PPP2R3A: variants seen among roughly 807,000 people sequenced by gnomAD.
The protein encoded by PPP2R3A is serine/threonine-protein phosphatase 2A regulatory subunit B'' subunit alpha.
A neutral mutation model predicts 106.9 loss-of-function variants in PPP2R3A; 80 were observed. The ratio of observed to expected loss-of-function variants is 0.75; its 90% CI spans 0.62 to 0.90. The LOEUF is 0.90. PPP2R3A is among the 40% of genes least tolerant of loss of function. PPP2R3A has a pLI of 0.00. For missense variants in PPP2R3A, 1,386 were observed against 1,350.4 expected (o/e 1.03, Z -0.41); for synonymous variants, 483 against 468.3 (o/e 1.03, Z -0.41).
intron 1 of PPP2R3A, among the ~76,000 whole-genome samples, chr3:136,000,309 G>A (rs1559860174): frequency 6.6e-6 from 1 of 152,182 alleles, no homozygotes; most frequent in Non-Finnish European, 1.5e-5. Flanking sequence ...GGTACACACA[G>A]TAGGTAGTCA....
chr3:135,999,705 A>G (rs1313543774), intron 1 of PPP2R3A, among the ~76,000 whole-genome samples: 1 of 152,052 alleles, frequency 6.6e-6, no homozygotes, highest in Non-Finnish European at 1.5e-5. Flanking sequence ...GTCTTGCCCC[A>G]TCCCCTTTTT....
At chr3:136,137,340 G>A (rs1408990782) in intron 13 of PPP2R3A, among the ~76,000 whole-genome samples, 2 of 151,882 alleles carry the variant, frequency 1.3e-5, no homozygotes, top group Non-Finnish European at 1.5e-5. Flanking sequence ...TTTATACTTG[G>A]TATATTTCTT....
Position 136,138,478 on chromosome 3 carries a change from C to G in PPP2R3A, c.3330-6565C>G, listed in dbSNP as rs147370358. Among the ~76,000 whole-genome samples the G allele has an allele frequency of 4.7e-3, 712 of 152,204 alleles. 4 individuals carry two copies. The highest frequency in any genetic ancestry group is 0.016 in the African/African-American group (675 of 41,514). ...TCCTGGGACAGGAAAGCAAGTGGTA[C>G]ATATTAGGAAACTTCAACAAGAGTT... On this transcript the variant is annotated intron_variant, in intron 13 of 13. Coordinates refer to ENST00000264977, the MANE Select transcript of PPP2R3A (RefSeq NM_002718.5).
At chr3:136,129,080 T>G (rs902890467) in intron 13 of PPP2R3A, among the ~76,000 whole-genome samples, 3 of 151,506 alleles carry the variant, frequency 2.0e-5, no homozygotes, top group African/African-American at 7.3e-5. Context: ...AGATCTAAAA[T>G]CGACACCCTA....
chr3:135,998,153 C>T (rs1003654347), intron 1 of PPP2R3A, among the ~76,000 whole-genome samples: 16 of 152,204 alleles, frequency 1.1e-4, no homozygotes, highest in Admixed American at 2.6e-4. Flanking sequence ...ACTTGTACTT[C>T]GGCATTCACT....
At chr3:136,104,517 G>T (rs1937465814) in intron 12 of PPP2R3A, among the ~76,000 whole-genome samples, 1 of 152,092 alleles carries the variant, frequency 6.6e-6, no homozygotes, top group South Asian at 2.1e-4. Flanking sequence ...TATTGGTCAG[G>T]CTGGTCTCGA....
intron 2 of PPP2R3A, among the ~76,000 whole-genome samples, chr3:136,009,289 T>C (rs1381968915): frequency 6.6e-6 from 1 of 152,138 alleles, no homozygotes; most frequent in Non-Finnish European, 1.5e-5. Flanking sequence ...ACTATTCTCC[T>C]GGCTGCCTCC....
chr3:136,110,402 A>T (rs544485378), intron 13 of PPP2R3A, among the ~76,000 whole-genome samples: 1,529 of 147,924 alleles, frequency 0.01, 28 homozygotes, highest in African/African-American at 0.034. Flanking sequence ...AAGTTTTATT[A>T]AAAAAAAAAT....
chr3:136,118,415 T>A (rs978790701), intron 13 of PPP2R3A, among the ~76,000 whole-genome samples: 2 of 152,168 alleles, frequency 1.3e-5, no homozygotes, highest in Non-Finnish European at 2.9e-5. Context: ...GGTATTCAAA[T>A]AGGAAAAGAG....
At position 136,145,000 on chromosome 3, in the gene PPP2R3A, T is replaced by TAATC. The variant is rs564216540; in HGVS notation, c.3330-33_3330-30dup. 32 of 1,589,774 alleles carry TAATC rather than the reference T, an allele frequency of 2.0e-5. No homozygotes were observed. The Admixed American group carries it at 2.4e-4, about 12-fold the overall frequency. On this transcript the variant is annotated intron_variant, in intron 13 of 13. Coordinates refer to ENST00000264977, the MANE Select transcript of PPP2R3A (RefSeq NM_002718.5). ...GCCATATTGATTTCTACCCAAACTTTAATCAATCAATCAGTTAATTCACTT... is the reference window on the plus strand; with the variant it reads ...GCCATATTGATTTCTACCCAAACTTTAATCAATCAATCAATCAGTTAATTCACTT...
intron 13 of PPP2R3A, among the ~76,000 whole-genome samples, chr3:136,114,691 G>A (rs962984046): frequency 7.2e-4 from 109 of 152,270 alleles, no homozygotes; most frequent in African/African-American, 2.4e-3. Flanking sequence ...GGAGCGCACC[G>A]CAGCTCACCA....
At chr3:136,034,349 T>C (rs1935011423) in intron 3 of PPP2R3A, among the ~76,000 whole-genome samples, 1 of 152,224 alleles carries the variant, frequency 6.6e-6, no homozygotes, top group African/African-American at 2.4e-5. Context: ...CTTTTTGATG[T>C]AGGCGTTTAG....
intron 5 of PPP2R3A, chr3:136,055,893 C>T (rs996922191): frequency 2.7e-5 from 11 of 403,078 alleles, no homozygotes; most frequent in Admixed American, 7.7e-5. Flanking sequence ...ATCACCATTC[C>T]TTAAGAGTAG....
At chr3:136,130,673 T>C (rs1297238785) in intron 13 of PPP2R3A, among the ~76,000 whole-genome samples, 1 of 152,120 alleles carries the variant, frequency 6.6e-6, no homozygotes, top group Non-Finnish European at 1.5e-5. Flanking sequence ...AAAATTCATA[T>C]GGAACCAAAA....
At chr3:136,052,702 A>G (rs1273036800) in intron 5 of PPP2R3A, among the ~76,000 whole-genome samples, 1 of 152,234 alleles carries the variant, frequency 6.6e-6, no homozygotes, top group Admixed American at 6.5e-5. Context: ...AGACAACAAC[A>G]AAATCATAAT....
At chr3:135,973,038 C>G (rs966119450) in intron 1 of PPP2R3A, among the ~76,000 whole-genome samples, 1 of 152,130 alleles carries the variant, frequency 6.6e-6, no homozygotes, top group African/African-American at 2.4e-5. Flanking sequence ...CAGTTTACTC[C>G]TGTGTTTTCT....
intron 13 of PPP2R3A, among the ~76,000 whole-genome samples, chr3:136,132,095 A>G (rs998874179): frequency 1.3e-5 from 2 of 152,066 alleles, no homozygotes; most frequent in Non-Finnish European, 2.9e-5. Context: ...GCAAACCACC[A>G]TGGCACATGT....
chr3:136,103,171 C>T, intron 11 of PPP2R3A, 87 bp from the exon 12 acceptor site: 4 of 704,410 alleles, frequency 5.7e-6, no homozygotes, highest in Admixed American at 2.6e-5. Flanking sequence ...AAACATATAC[C>T]TATACTTTTA....
chr3:136,031,642 A>C (rs1934894230), intron 3 of PPP2R3A, among the ~76,000 whole-genome samples: 1 of 152,220 alleles, frequency 6.6e-6, no homozygotes, highest in African/African-American at 2.4e-5. Context: ...TTCAGGTCTT[A>C]GATTTAAGTC....
Sources: gnomAD v4.1 joint callset for allele counts (sites outside exome capture counted in the v4.1 genomes callset) on GRCh38, gnomAD v4.1.1 for gene constraint, MANE v1.5 for transcripts, NCBI Gene and HGNC (gene_info 2026-07-23, HGNC 2026-07-21) for gene names.